ZNF75D: variants seen among roughly 807,000 people sequenced by gnomAD.
The protein encoded by ZNF75D is zinc finger protein 75D.
A neutral mutation model predicts 33.3 loss-of-function variants in ZNF75D; 33 were observed. The ratio of observed to expected loss-of-function variants is 0.99; its 90% CI spans 0.75 to 1.32. The LOEUF is 1.32. ZNF75D is among the 40% of genes most tolerant of loss of function. The probability of loss-of-function intolerance (pLI) is 0.00; values close to 1 mark genes in which losing one functional copy is unlikely to be tolerated. For missense variants in ZNF75D, 338 were observed against 367.5 expected (o/e 0.92, Z 0.66); for synonymous variants, 113 against 130.6 (o/e 0.87, Z 0.92).
At chrX:135,293,143 G>A (rs781922643) in intron 3 of ZNF75D, among the ~76,000 whole-genome samples, 3 of 111,930 alleles carry the variant, frequency 2.7e-5, no homozygotes, top group Non-Finnish European at 5.6e-5. Flanking sequence ...ACTAAGTGAG[G>A]GCAATGGAGG....
chrX:135,289,611 GACACACACACACACAGACACACACACAC>G (rs1259905004), intron 6 of ZNF75D, among the ~76,000 whole-genome samples: 1 of 82,068 alleles, frequency 1.2e-5, no homozygotes, highest in African/African-American at 4.6e-5. Flanking sequence ...GTGAGACTCT[GACACACACACACACAGACACACACACAC>G]ACACACACAC....
intron 1 of ZNF75D, among the ~76,000 whole-genome samples, chrX:135,305,539 G>A (rs781852175): frequency 9.0e-6 from 1 of 111,084 alleles, no homozygotes; most frequent in African/African-American, 3.3e-5. Context: ...TATCTCTTGC[G>A]AGAATTCCCT....
At chrX:135,268,200 A>G (rs2083869878) in intron 1 of ZNF75D, among the ~76,000 whole-genome samples, 1 of 100,203 alleles carries the variant, frequency 1.0e-5, no homozygotes, top group African/African-American at 3.7e-5. Flanking sequence ...AATCTGAAAC[A>G]TGGCAAGGAT....
chrX:135,293,718 C>A lies in ZNF75D; in HGVS notation c.411+12G>T. The A allele has an allele frequency of 8.6e-7, 1 of 1,158,262 alleles. No individual in the cohort carries two copies. Among genetic ancestry groups the A allele is most frequent in the Non-Finnish European group, 1.2e-6 (1 of 867,281 alleles). ...CTACTTCATTGTACATGTAGGCAATCTTTCTTCTTACCTCATTCTTTGTTC... is the reference window on the plus strand; with the variant it reads ...CTACTTCATTGTACATGTAGGCAATATTTCTTCTTACCTCATTCTTTGTTC... On this transcript the variant is annotated intron_variant, in intron 3 of 6. Coordinates refer to ENST00000370766, the MANE Select transcript of ZNF75D (RefSeq NM_007131.5).
At chrX:135,316,619 G>A (rs1411444555) in intron 1 of ZNF75D, among the ~76,000 whole-genome samples, 1 of 110,605 alleles carries the variant, frequency 9.0e-6, no homozygotes, top group Non-Finnish European at 1.9e-5. Flanking sequence ...TTGCCTTTTG[G>A]GACACCAATA....
intron 1 of ZNF75D, among the ~76,000 whole-genome samples, chrX:135,301,040 A>G (rs878949131): frequency 1.8e-5 from 2 of 112,097 alleles, no homozygotes; most frequent in Non-Finnish European, 3.8e-5. Flanking sequence ...ACAATTCCAC[A>G]TGGCTGGGGA....
intron 5 of ZNF75D, 114 bp downstream of exon 5, chrX:135,291,358 G>C: frequency 1.1e-6 from 1 of 931,625 alleles, no homozygotes; most frequent in African/African-American, 1.9e-5. Flanking sequence ...GAGAATAACT[G>C]GGGCTAAAAT....
At chrX:135,293,148 T>C (rs2084071243) in intron 3 of ZNF75D, among the ~76,000 whole-genome samples, 1 of 112,094 alleles carries the variant, frequency 8.9e-6, no homozygotes, top group Admixed American at 9.4e-5. Flanking sequence ...GTGAGGGCAA[T>C]GGAGGCTCTT....
rs782211817 is a variant in ZNF75D at position 135,344,037 on chromosome X, C to T, written c.-2660G>A. 2 of 112,506 alleles carry T rather than the reference C, an allele frequency of 1.8e-5. No individual in the cohort carries two copies. Among genetic ancestry groups the T allele is most frequent in the East Asian group, 5.6e-4 (2 of 3,573 alleles). 9.3% of individuals were successfully genotyped at this position (112,506 alleles called of 1,213,427 possible). ...GTTTGGCGTCCACAGACCAATTTGTCAGCTTAGGACCAACGTTAGGGCTGC... is the reference window on the plus strand; with the variant it reads ...GTTTGGCGTCCACAGACCAATTTGTTAGCTTAGGACCAACGTTAGGGCTGC... On this transcript the variant is annotated 5_prime_UTR_variant, in exon 1 of 7. Coordinates refer to ENST00000370766, the MANE Select transcript of ZNF75D (RefSeq NM_007131.5).
intron 1 of ZNF75D, among the ~76,000 whole-genome samples, chrX:135,263,787 C>G (rs1235740345): frequency 8.9e-6 from 1 of 112,688 alleles, no homozygotes; most frequent in Non-Finnish European, 1.9e-5. Flanking sequence ...GAGGCGACAC[C>G]CCGCCCTGCT....
chrX:135,312,075 T>C (rs138462622), intron 1 of ZNF75D, among the ~76,000 whole-genome samples: 209 of 111,603 alleles, frequency 1.9e-3, no homozygotes, highest in African/African-American at 6.5e-3. Context: ...TACTTTGTTA[T>C]CAAACATTAG....
intron 6 of ZNF75D, among the ~76,000 whole-genome samples, chrX:135,289,209 A>G (rs1232603075): frequency 8.8e-6 from 1 of 113,096 alleles, no homozygotes; most frequent in Non-Finnish European, 1.9e-5. Context: ...CTTGCTATGA[A>G]GAAATGCAGA....
rs1254662635 is a variant in ZNF75D at position 135,285,868 on chromosome X, T to C, written c.*1269A>G. ...ATTTTCATTACGAAGTACAATTTTA[T>C]GGAATACTAAATAAACATATATAAA... On this transcript the variant is annotated 3_prime_UTR_variant, in exon 7 of 7. Coordinates refer to ENST00000370766, the MANE Select transcript of ZNF75D (RefSeq NM_007131.5). 8.9e-6 allele frequency: 1 copy of C among 112,613 alleles called. No individual in the cohort carries two copies. The highest frequency in any genetic ancestry group is 1.9e-5 in the Non-Finnish European group (1 of 53,356). The allele number at this position is 112,613 out of a possible 1,213,427, so 9.3% of individuals were successfully genotyped here. A position where few individuals can be genotyped will look rare whatever the true frequency, so the allele number is the denominator to read the frequency against.
At chrX:135,258,086 C>G (rs782534424) in intron 1 of ZNF75D, among the ~76,000 whole-genome samples, 52 of 107,118 alleles carry the variant, frequency 4.9e-4, no homozygotes, top group East Asian at 2.0e-3. Flanking sequence ...CCTTGTGATA[C>G]TTTGCTGAGA....
chrX:135,337,999 CTACTGTCATGTGAGAGAGGGAT>C (rs782495822), intron 1 of ZNF75D, among the ~76,000 whole-genome samples: 1 of 110,612 alleles, frequency 9.0e-6, no homozygotes, highest in Non-Finnish European at 1.9e-5. Context: ...GGTGAAGGAT[CTACTGTCATGTGAGAGAGGGAT>C]GAGATGCAAG....
Position 135,293,801 on chromosome X carries a change from G to T in ZNF75D, c.340C>A (p.Pro114Thr). The change falls in exon 3 of 7, where the codon CCA becomes ACA. Residue 114 changes from proline (P) to threonine (T), a missense_variant. Around this residue, in one of 3 missense-constraint regions of ZNF75D, gnomAD observed 254 missense variants for 267.7 expected, o/e 0.95. Coordinates refer to ENST00000370766, the MANE Select transcript of ZNF75D (RefSeq NM_007131.5). ...ACCAGAGCCTGTTTGACATTCTGTG[G>T]ATGATGCTTCTGCACCCAGTTCTGG... ...ETQNWVQKHH[P>T]QNVKQALVLV... The T allele has an allele frequency of 8.3e-7, 1 of 1,207,449 alleles. No homozygotes were observed. Among genetic ancestry groups the T allele is most frequent in the African/African-American group, 1.7e-5 (1 of 57,780 alleles).
chrX:135,262,375 TC>T (rs2083846193), intron 1 of ZNF75D, among the ~76,000 whole-genome samples: 1 of 112,364 alleles, frequency 8.9e-6, no homozygotes, highest in African/African-American at 3.2e-5. Context: ...CTTGATAATA[TC>T]CTGAAGAGTG....
intron 1 of ZNF75D, among the ~76,000 whole-genome samples, chrX:135,275,528 T>G (rs1394446457): frequency 3.6e-5 from 4 of 111,325 alleles, no homozygotes; most frequent in Non-Finnish European, 7.5e-5. Context: ...CCAAGGTAGA[T>G]TGAGTAGAAA....
At chrX:135,284,988 A>C (rs1158271849), downstream of ZNF75D, among the ~76,000 whole-genome samples, 2 of 111,799 alleles carry the variant, frequency 1.8e-5, no homozygotes, top group Non-Finnish European at 3.8e-5. Flanking sequence ...ATGGATTCAC[A>C]CAAAGAGAAT....
Sources: gnomAD v4.1 joint callset for allele counts (sites outside exome capture counted in the v4.1 genomes callset) on GRCh38, gnomAD v4.1.1 for gene constraint, gnomAD v4.1.1 regional missense constraint, MANE v1.5 for transcripts, NCBI Gene and HGNC (gene_info 2026-07-23, HGNC 2026-07-21) for gene names.